ARPP21: variants seen among roughly 807,000 people sequenced by gnomAD.
ARPP21 encodes cAMP regulated phosphoprotein 21.
In ARPP21, 69 loss-of-function variants were observed where a neutral mutation model predicts 113.2. The ratio of observed to expected loss-of-function variants is 0.61; its 90% confidence interval spans 0.50 to 0.74. The LOEUF is 0.74. ARPP21 is among the 30% of genes least tolerant of loss of function. The probability of loss-of-function intolerance (pLI) is 0.00; values close to 1 mark genes in which losing one functional copy is unlikely to be tolerated. For missense variants in ARPP21, 1,070 were observed against 1,037.4 expected, an observed-to-expected ratio of 1.03 and a Z score of -0.43; for synonymous variants, 368 against 375.5, an observed-to-expected ratio of 0.98 and a Z score of 0.23.
At chr3:35,699,914 G>C (rs1372867557) in intron 9 of ARPP21, among the ~76,000 whole-genome samples, 1 of 151,692 alleles carries the variant, frequency 6.6e-6, no homozygotes, top group East Asian at 1.9e-4. Context: ...GCCATATTTG[G>C]AAATACACAG....
At chr3:35,784,216 A>G (rs1164660600) in intron 19 of ARPP21, among the ~76,000 whole-genome samples, 1 of 152,248 alleles carries the variant, frequency 6.6e-6, no homozygotes, top group Non-Finnish European at 1.5e-5. Flanking sequence ...AGCAACAAAA[A>G]TGTACATGAA....
chr3:35,765,891 T>C (rs2151406790), intron 19 of ARPP21, among the ~76,000 whole-genome samples: 1 of 152,278 alleles, frequency 6.6e-6, no homozygotes, highest in African/African-American at 2.4e-5. Context: ...TGTTCTCATA[T>C]GTAAAATAAA....
At chr3:35,712,625 AT>A (rs1418985845) in intron 11 of ARPP21, among the ~76,000 whole-genome samples, 1 of 151,650 alleles carries the variant, frequency 6.6e-6, no homozygotes, top group Non-Finnish European at 1.5e-5. Context: ...CACATAAAAT[AT>A]GTGATTTGCT....
chr3:35,783,740 G>A (rs567900960), intron 19 of ARPP21, among the ~76,000 whole-genome samples: 7 of 152,020 alleles, frequency 4.6e-5, no homozygotes, highest in African/African-American at 7.2e-5. Flanking sequence ...TTTATAGCAC[G>A]CTTTTCAAGA....
intron 14 of ARPP21, among the ~76,000 whole-genome samples, chr3:35,727,680 G>A (rs562242388): frequency 3.3e-5 from 5 of 152,206 alleles, no homozygotes; most frequent in Non-Finnish European, 5.9e-5. Flanking sequence ...AATCAACCTC[G>A]TGTACTACAT....
intron 2 of ARPP21, among the ~76,000 whole-genome samples, chr3:35,680,660 T>C (rs2078620208): frequency 1.3e-5 from 2 of 151,838 alleles, no homozygotes; most frequent in Admixed American, 6.6e-5. Context: ...AGTTATTGCT[T>C]GGGATTTTTT....
intron 1 of ARPP21, among the ~76,000 whole-genome samples, chr3:35,673,301 C>T (rs1199742742): frequency 1.3e-5 from 2 of 152,030 alleles, no homozygotes; most frequent in Non-Finnish European, 2.9e-5. Context: ...CTTCTGTGAT[C>T]ACAGATTCTA....
chr3:35,752,320 T>C (rs2095430142), intron 19 of ARPP21, among the ~76,000 whole-genome samples: 1 of 151,976 alleles, frequency 6.6e-6, no homozygotes, highest in South Asian at 2.1e-4. Flanking sequence ...GTATTCTACA[T>C]CTGAGGAAAC....
chr3:35,673,025 CA>C (rs1161288866), intron 1 of ARPP21, among the ~76,000 whole-genome samples: 1 of 151,926 alleles, frequency 6.6e-6, no homozygotes, highest in Non-Finnish European at 1.5e-5. Context: ...AAAACTCAGT[CA>C]AAAAATACCA....
At chr3:35,667,929 G>GA (rs2074995589) in intron 1 of ARPP21, among the ~76,000 whole-genome samples, 9 of 128,894 alleles carry the variant, frequency 7.0e-5, no homozygotes, top group Admixed American at 7.7e-5. Flanking sequence ...GGAGGAGGAG[G>GA]AGGAGAAGGA....
intron 19 of ARPP21, among the ~76,000 whole-genome samples, chr3:35,768,230 C>T (rs1032821835): frequency 6.6e-6 from 1 of 151,756 alleles, no homozygotes; most frequent in Non-Finnish European, 1.5e-5. Context: ...TGCCTTTCCC[C>T]TTCCCATTTC....
intron 19 of ARPP21, among the ~76,000 whole-genome samples, chr3:35,769,478 T>G (rs191732559): frequency 1.5e-3 from 221 of 152,298 alleles, no homozygotes; most frequent in Non-Finnish European, 1.9e-3. Flanking sequence ...GAGTCTGCTA[T>G]GCAGTCTAGG....
intron 1 of ARPP21, among the ~76,000 whole-genome samples, chr3:35,648,500 G>A (rs1701131219): frequency 6.6e-6 from 1 of 152,106 alleles, no homozygotes; most frequent in Admixed American, 6.6e-5. Context: ...CTCACCAAGG[G>A]GTCCTTGGCA....
chr3:35,707,329 G>A (rs1447421813), intron 10 of ARPP21: 19 of 625,902 alleles, frequency 3.0e-5, no homozygotes, highest in Admixed American at 8.4e-5. Flanking sequence ...GGTGCTTGGC[G>A]CAGTTTCCGC....
chr3:35,743,947 C>T lies in ARPP21; in HGVS notation c.2119C>T (p.Gln707Ter). The T allele has an allele frequency of 1.9e-6, 3 of 1,614,130 alleles. No homozygotes were observed. The highest frequency in any genetic ancestry group is 2.5e-6 in the Non-Finnish European group (3 of 1,179,992). The change falls in exon 19 of 21, where the codon CAG (glutamine) becomes TAG (stop). Residue 707 changes from glutamine to a stop codon, truncating the protein, a stop_gained. Coordinates refer to ENST00000684406, the MANE Select transcript of ARPP21 (RefSeq NM_001385562.1). LOFTEE classifies it high-confidence loss of function. Reference protein sequence around the residue: ...YNAQRSQQMPQAAQQAGYQPV... With the variant: ...YNAQRSQQMP The stretch of plus-strand genomic sequence containing the variant: ...CGCTCAGAGGAGTCAACAGATGCCA[C>T]AGGCAGCACAGCAAGCAGGTACTTG...
chr3:35,667,989 AG>A (rs2075172954), intron 1 of ARPP21, among the ~76,000 whole-genome samples: 1 of 148,336 alleles, frequency 6.7e-6, no homozygotes, highest in Non-Finnish European at 1.5e-5. Flanking sequence ...AAGAAGAAGA[AG>A]AAGAAGAAGA....
At chr3:35,733,385 C>T (rs2094129886) in intron 15 of ARPP21, among the ~76,000 whole-genome samples, 1 of 152,168 alleles carries the variant, frequency 6.6e-6, no homozygotes, top group East Asian at 1.9e-4. Flanking sequence ...ATCCTTTTCT[C>T]TGCGCCTGCT....
intron 19 of ARPP21, chr3:35,785,142 G>C (rs1453390322): frequency 1.3e-5 from 2 of 152,148 alleles, no homozygotes; most frequent in African/African-American, 4.8e-5. Flanking sequence ...TGGGGAAAAA[G>C]CTTCTTAAAG....
chr3:35,696,502 C>A (rs536606426), intron 9 of ARPP21, among the ~76,000 whole-genome samples: 74 of 151,620 alleles, frequency 4.9e-4, no homozygotes, highest in African/African-American at 1.8e-3. Context: ...AATAGAGTCA[C>A]TGAGCTGAGA....
Sources: gnomAD v4.1 joint callset for allele counts (sites outside exome capture counted in the v4.1 genomes callset) on GRCh38, gnomAD v4.1.1 for gene constraint, MANE v1.5 for transcripts, NCBI Gene and HGNC (gene_info 2026-07-23, HGNC 2026-07-21) for gene names.